The following NAALADL2 variants were observed in gnomAD, a reference collection of about 807,000 sequenced individuals.
NAALADL2 encodes the protein inactive N-acetylated-alpha-linked acidic dipeptidase-like protein 2.
In NAALADL2, 76 loss-of-function variants were observed where a neutral mutation model predicts 87.2. The observed-to-expected ratio is 0.87, with a 90% CI of 0.72 to 1.05. The LOEUF (loss-of-function observed/expected upper bound fraction) is 1.05, where lower values mean the gene tolerates loss of function less well. Among genes scored for constraint, NAALADL2 ranks in the 50% least tolerant of loss-of-function variants. The pLI, the probability that NAALADL2 is intolerant of heterozygous loss-of-function variation, is 0.00. For missense variants in NAALADL2, 1,089 were observed against 945.8 expected (o/e 1.15, Z -1.99); for synonymous variants, 354 against 331.0 (o/e 1.07, Z -0.75).
chr3:174,537,506 A>C (rs993699598), intron 1 of NAALADL2, among the ~76,000 whole-genome samples: 7 of 152,310 alleles, frequency 4.6e-5, no homozygotes, highest in Admixed American at 1.3e-4. Context: ...GGTAGTTTAC[A>C]TTGAAGACAT....
At chr3:175,393,012 T>C (rs554141412) in intron 5 of NAALADL2, among the ~76,000 whole-genome samples, 1 of 152,298 alleles carries the variant, frequency 6.6e-6, no homozygotes, top group South Asian at 2.1e-4. Flanking sequence ...ACATTTAAAA[T>C]TGTAGAGTTG....
chr3:175,458,665 C>T (rs1199067531), intron 6 of NAALADL2, among the ~76,000 whole-genome samples: 2 of 151,240 alleles, frequency 1.3e-5, no homozygotes, highest in African/African-American at 4.8e-5. Flanking sequence ...TAAATCTTTT[C>T]TCTAGCAGTT....
At chr3:174,561,077 T>G (rs1713545354) in intron 2 of NAALADL2, among the ~76,000 whole-genome samples, 1 of 152,118 alleles carries the variant, frequency 6.6e-6, no homozygotes, top group African/African-American at 2.4e-5. Flanking sequence ...TAGGCTTAAC[T>G]TTGAATACAG....
intron 2 of NAALADL2, among the ~76,000 whole-genome samples, chr3:175,173,964 GA>G (rs922468611): frequency 7.2e-4 from 33 of 45,606 alleles, no homozygotes; most frequent in African/African-American, 1.6e-3. Context: ...TCTTCAGTTT[GA>G]ATTTTTTTTT....
chr3:175,248,691 G>A (rs1748459150), intron 3 of NAALADL2, among the ~76,000 whole-genome samples: 3 of 152,142 alleles, frequency 2.0e-5, no homozygotes, highest in Admixed American at 2.0e-4. Flanking sequence ...CAGAAAGATT[G>A]CCGTGGCCAC....
intron 1 of NAALADL2, among the ~76,000 whole-genome samples, chr3:175,066,920 T>G (rs758572195): frequency 6.6e-6 from 1 of 152,128 alleles, no homozygotes; most frequent in Non-Finnish European, 1.5e-5. Context: ...AAAAGGAAAT[T>G]TGGAGGCATC....
chr3:175,137,648 C>T (rs1292963275), intron 2 of NAALADL2, among the ~76,000 whole-genome samples: 5 of 149,632 alleles, frequency 3.3e-5, no homozygotes, highest in Non-Finnish European at 5.9e-5. Context: ...CTCTGTTGCC[C>T]AGGCTAGAGT....
chr3:175,069,348 A>G (rs1222028371), intron 1 of NAALADL2, among the ~76,000 whole-genome samples: 2 of 150,140 alleles, frequency 1.3e-5, no homozygotes, highest in Non-Finnish European at 2.9e-5. Context: ...AAAAGCGGGC[A>G]AAGGACATGA....
chr3:175,495,732 C>T (rs1728719163), intron 9 of NAALADL2, among the ~76,000 whole-genome samples: 1 of 151,582 alleles, frequency 6.6e-6, no homozygotes, highest in Admixed American at 6.6e-5. Flanking sequence ...TGCCTCTTCT[C>T]TTCTCCTCTG....
chr3:175,138,399 T>C (rs1580655587), intron 2 of NAALADL2, among the ~76,000 whole-genome samples: 1 of 152,164 alleles, frequency 6.6e-6, no homozygotes, highest in Non-Finnish European at 1.5e-5. Context: ...TTGGATTTTT[T>C]TTTAGATTAA....
intron 13 of NAALADL2, among the ~76,000 whole-genome samples, chr3:175,785,230 C>T (rs879599226): frequency 6.7e-6 from 1 of 149,214 alleles, no homozygotes; most frequent in Non-Finnish European, 1.5e-5. Context: ...CTGCTTGGTG[C>T]AGAGCTGAGT....
At chr3:175,101,892 A>C (rs143523545) in intron 2 of NAALADL2, among the ~76,000 whole-genome samples, 96 of 152,222 alleles carry the variant, frequency 6.3e-4, no homozygotes, top group African/African-American at 2.2e-3. Flanking sequence ...GGTTCTTTCT[A>C]ATTATAAGTG....
intron 1 of NAALADL2, among the ~76,000 whole-genome samples, chr3:174,959,188 T>A (rs771519644): frequency 6.6e-6 from 1 of 152,076 alleles, no homozygotes; most frequent in Admixed American, 6.6e-5. Context: ...AATTTTCAAC[T>A]GCTTTTGCGG....
chr3:175,745,193 G>A lies in NAALADL2; in HGVS notation c.1990+7794G>A, dbSNP rs530292799. On this transcript the variant is annotated intron_variant, in intron 12 of 13. Coordinates refer to ENST00000454872, the MANE Select transcript of NAALADL2 (RefSeq NM_207015.3). ...AATTTACCAGTGAATAATTTGTTTG[G>A]GTTGATTTATTGGATGGTTCTTGAA... Among the ~76,000 whole-genome samples the A allele has an allele frequency of 3.6e-4, 55 of 152,214 alleles. 1 individual carries two copies. In the South Asian group the frequency reaches 6.2e-3, roughly 17 times the overall value.
chr3:175,123,488 A>T (rs9844391), intron 2 of NAALADL2, among the ~76,000 whole-genome samples: 2 of 151,850 alleles, frequency 1.3e-5, no homozygotes, highest in African/African-American at 4.8e-5. Flanking sequence ...TCATTGTCAC[A>T]TATTAATTAC....
At chr3:175,413,120 AC>A (rs1447324410) in intron 5 of NAALADL2, among the ~76,000 whole-genome samples, 6 of 141,734 alleles carry the variant, frequency 4.2e-5, no homozygotes, top group Non-Finnish European at 9.3e-5. Context: ...CAATCTCCTG[AC>A]CTCGTGATCT....
chr3:175,158,158 C>G (rs1732598753), intron 2 of NAALADL2, among the ~76,000 whole-genome samples: 1 of 151,918 alleles, frequency 6.6e-6, no homozygotes. Context: ...TGTTTTGTGC[C>G]TATTATGTGT....
chr3:175,508,267 T>G (rs910356648), intron 9 of NAALADL2, among the ~76,000 whole-genome samples: 1 of 152,170 alleles, frequency 6.6e-6, no homozygotes, highest in African/African-American at 2.4e-5. Flanking sequence ...TAATTCAACA[T>G]GAGATTTGGT....
intron 2 of NAALADL2, among the ~76,000 whole-genome samples, chr3:175,137,506 A>C (rs1454045099): frequency 6.6e-6 from 1 of 152,072 alleles, no homozygotes; most frequent in Non-Finnish European, 1.5e-5. Context: ...CCTTAAAATT[A>C]ATATTTCTAT....
Sources: allele counts gnomAD v4.1 joint callset (sites outside exome capture counted in the v4.1 genomes callset), GRCh38; gene constraint gnomAD v4.1.1; transcripts MANE v1.5; gene names NCBI Gene and HGNC (gene_info 2026-07-23, HGNC 2026-07-21).